TMEM230: variants seen among roughly 807,000 people sequenced by gnomAD.
TMEM230 encodes the protein transmembrane protein 230, also known as UPF0414 transmembrane protein C20orf30.
In TMEM230, 10 loss-of-function variants were observed where a neutral mutation model predicts 15.8. The ratio of observed to expected loss-of-function variants is 0.63; its 90% CI spans 0.39 to 1.07. The LOEUF is 1.07. Ranked by LOEUF, TMEM230 falls within the 50% of genes least tolerant of loss-of-function variation. The pLI, the probability that TMEM230 is intolerant of heterozygous loss-of-function variation, is 0.01. For missense variants in TMEM230, 165 were observed against 193.3 expected (o/e 0.85, Z 0.87); for synonymous variants, 67 against 76.9 (o/e 0.87, Z 0.68).
At chr20:5,076,913 G>C (rs2122571604) in intron 3 of TMEM230, among the ~76,000 whole-genome samples, 1 of 151,612 alleles carries the variant, frequency 6.6e-6, no homozygotes, top group East Asian at 2.0e-4. Context: ...CCTGACCTCA[G>C]GTGATCCACC....
At chr20:5,103,144 A>G (rs1230180446) in intron 4 of TMEM230, among the ~76,000 whole-genome samples, 2 of 152,134 alleles carry the variant, frequency 1.3e-5, no homozygotes, top group African/African-American at 2.4e-5. Flanking sequence ...TGGGCCTCAC[A>G]CTGACCATAA....
In TMEM230 at chr20:5,112,784, C is replaced by T. The variant is rs1408738907; in HGVS notation, c.68+177G>A. 6.1e-6 allele frequency: 9 copies of T among 1,485,436 alleles called. No homozygotes were observed. The African/African-American group carries it at 9.8e-5, about 16-fold the overall frequency. The allele number at this position is 1,485,436 out of a possible 1,614,324, so 92.0% of individuals were successfully genotyped here. A position where few individuals can be genotyped will look rare whatever the true frequency, so the allele number is the denominator to read the frequency against. ...CCAGGGAGAGAAATAAGAACCGACGCGAATTTAGACGTAAAACAAACAAAA... is the reference window on the plus strand; with the variant it reads ...CCAGGGAGAGAAATAAGAACCGACGTGAATTTAGACGTAAAACAAACAAAA... On this transcript the variant is annotated intron_variant, in intron 1 of 4. Coordinates refer to ENST00000342308, the MANE Select transcript of TMEM230 (RefSeq NM_001009923.2).
chr20:5,107,291 A>G (rs1203571086), intron 3 of TMEM230, among the ~76,000 whole-genome samples: 1 of 152,182 alleles, frequency 6.6e-6, no homozygotes, highest in African/African-American at 2.4e-5. Context: ...ACAGAGCCAG[A>G]GCCTGTTTCA....
At chr20:5,081,021 C>A (rs181448551) in intron 3 of TMEM230, among the ~76,000 whole-genome samples, 59 of 152,298 alleles carry the variant, frequency 3.9e-4, no homozygotes, top group African/African-American at 1.4e-3. Context: ...TCACAATATC[C>A]AAGTGCATGA....
At chr20:5,097,526 T>C (rs2089698345), downstream of TMEM230, among the ~76,000 whole-genome samples, 1 of 152,216 alleles carries the variant, frequency 6.6e-6, no homozygotes, top group Non-Finnish European at 1.5e-5. Flanking sequence ...GTTCCCCAAC[T>C]ACTTCTACTG....
At chr20:5,080,438 C>G (rs2089146544) in intron 3 of TMEM230, among the ~76,000 whole-genome samples, 1 of 152,222 alleles carries the variant, frequency 6.6e-6, no homozygotes, top group Non-Finnish European at 1.5e-5. Flanking sequence ...TCTGTGACCC[C>G]ATGACTGCTT....
At chr20:5,065,035 C>A (rs61306373), downstream of TMEM230, among the ~76,000 whole-genome samples, 916 of 151,290 alleles carry the variant, frequency 6.1e-3, 12 homozygotes, top group African/African-American at 0.021. Context: ...AAAAAGATAT[C>A]TTTTTTTTTC....
Position 5,109,364 on chromosome 20 carries a change from A to T in TMEM230, c.256T>A (p.Ser86Thr). 6.2e-7 allele frequency: 1 copy of T among 1,613,336 alleles called. No homozygotes were observed. The highest frequency in any genetic ancestry group is 1.8e-4 in the Middle Eastern group (1 of 5,648). The change falls in exon 3 of 5, where the codon TCC becomes ACC. Residue 86 changes from serine (S) to threonine (T), a missense_variant. Physicochemically the swap from Ser to Thr is moderately conservative, Grantham distance 58. Transcript: ENST00000342308. ...TCAATGTAGCCATCGTCTGTGCTGG[A>T]GAGCCTTGAATATTTCACTTTACTA...
chr20:5,102,461 C>T (rs2089909959), intron 4 of TMEM230, among the ~76,000 whole-genome samples: 1 of 151,962 alleles, frequency 6.6e-6, no homozygotes, highest in Admixed American at 6.6e-5. Context: ...GAGGCCAAGG[C>T]AGGCAGATCG....
downstream of TMEM230, among the ~76,000 whole-genome samples, chr20:5,095,607 A>G (rs767268336): frequency 4.6e-5 from 7 of 152,186 alleles, no homozygotes; most frequent in Non-Finnish European, 1.0e-4. Context: ...ACCCAGGGCC[A>G]CCCATTGGCA....
chr20:5,059,255 C>A, the TMEM230 span, among the ~76,000 whole-genome samples: 1 of 151,276 alleles, frequency 6.6e-6, no homozygotes, highest in Non-Finnish European at 1.5e-5. Flanking sequence ...TTCCACCTCC[C>A]AGCCTCTGTC....
chr20:5,084,033 G>T (rs967430607), intron 3 of TMEM230, among the ~76,000 whole-genome samples: 1 of 151,962 alleles, frequency 6.6e-6, no homozygotes, highest in African/African-American at 2.4e-5. Context: ...AGTAGGCCTC[G>T]GTGTCAACTG....
At chr20:5,108,570 G>A (rs1041081401) in intron 3 of TMEM230, among the ~76,000 whole-genome samples, 6 of 152,138 alleles carry the variant, frequency 3.9e-5, no homozygotes, top group African/African-American at 1.4e-4. Context: ...TTGGCTCATC[G>A]TTGTATCTGA....
At chr20:5,089,728 A>G (rs1600329980) in intron 3 of TMEM230, among the ~76,000 whole-genome samples, 1 of 151,850 alleles carries the variant, frequency 6.6e-6, no homozygotes, top group African/African-American at 2.4e-5. Flanking sequence ...AACAAAAAAC[A>G]GTAGTGGAAA....
downstream of TMEM230, among the ~76,000 whole-genome samples, chr20:5,099,228 AAATAAATCAATCAATC>A (rs202177330): frequency 0.095 from 8,671 of 91,236 alleles, 432 homozygotes; most frequent in African/African-American, 0.32. Context: ...ATAAATAAAT[AAATAAATCAATCAATC>A]AATAATAAAT....
At chr20:5,112,933 T>A (rs760764185) in intron 1 of TMEM230, 28 bp downstream of exon 1, 13 of 1,549,320 alleles carry the variant, frequency 8.4e-6, no homozygotes, top group Non-Finnish European at 1.0e-5. Flanking sequence ...GACGGTTCTG[T>A]CCCCGCCCTG....
Position 5,109,450 on chromosome 20 carries a change from AGTTT to A in TMEM230, c.175-9_175-6del. 2 of 1,611,934 alleles carry A rather than the reference AGTTT, an allele frequency of 1.2e-6. No homozygotes were observed. The highest frequency in any genetic ancestry group is 4.5e-5 in the East Asian group (2 of 44,880). On this transcript the variant is annotated splice_region_variant and splice_polypyrimidine_tract_variant and intron_variant, in intron 2 of 4. Transcript: ENST00000342308. ...CATCATAACACGCTGACACAGCTAC[AGTTT>A]AAAAACAAAAAACCCGTTATTGTCT... is the stretch of plus-strand genomic sequence containing the variant.
Position 5,106,324 on chromosome 20 carries a change from AG to A in TMEM230, c.289-15del. On this transcript the variant is annotated splice_polypyrimidine_tract_variant and intron_variant, in intron 3 of 4. Coordinates refer to ENST00000342308, the MANE Select transcript of TMEM230 (RefSeq NM_001009923.2). ...GGTTTTCTTAAACTGGAAGAGAAAT[AG>A]AGATGAAAAAGACAACGAAGAACAT... 6.3e-7 allele frequency: 1 copy of A among 1,588,554 alleles called. No homozygotes were observed. Among genetic ancestry groups the A allele is most frequent in the South Asian group, 1.2e-5 (1 of 86,516 alleles).
chr20:5,109,048 C>A (rs975668524), intron 3 of TMEM230: 3 of 209,896 alleles, frequency 1.4e-5, no homozygotes, highest in Non-Finnish European at 2.8e-5. Flanking sequence ...TAACAAAACA[C>A]AATCTGATTA....
Sources: gnomAD v4.1 joint callset for allele counts (sites outside exome capture counted in the v4.1 genomes callset) on GRCh38, gnomAD v4.1.1 for gene constraint, MANE v1.5 for transcripts, NCBI Gene and HGNC (gene_info 2026-07-23, HGNC 2026-07-21) for gene names.